FTO: variants seen among roughly 807,000 people sequenced by gnomAD.
FTO encodes the protein FTO alpha-ketoglutarate dependent dioxygenase, also known as alpha-ketoglutarate-dependent dioxygenase FTO.
FTO carries 47 observed loss-of-function variants against 63.9 expected under a neutral mutation model. The ratio of observed to expected loss-of-function variants is 0.74; its 90% CI spans 0.58 to 0.94. The LOEUF (loss-of-function observed/expected upper bound fraction) is 0.94. Ranked by LOEUF, FTO falls within the 40% of genes least tolerant of loss-of-function variation. The pLI, the probability that FTO is intolerant of heterozygous loss-of-function variation, is 0.00. For missense variants in FTO, 562 were observed against 618.1 expected (o/e 0.91, Z 0.96); for synonymous variants, 207 against 224.4 (o/e 0.92, Z 0.69).
intron 8 of FTO, among the ~76,000 whole-genome samples, chr16:53,980,295 C>T (rs747802896): frequency 5.9e-5 from 9 of 152,156 alleles, no homozygotes; most frequent in Non-Finnish European, 1.2e-4. Flanking sequence ...CTAACCTCTG[C>T]TTGCTGATGA....
At chr16:54,018,409 G>GATAGATAGATAGATAGATAGATAGATAC (rs1474063795) in intron 8 of FTO, among the ~76,000 whole-genome samples, 182 of 142,182 alleles carry the variant, frequency 1.3e-3, no homozygotes, top group Non-Finnish European at 2.3e-3. Context: ...TAGATAGATA[G>GATAGATAGATAGATAGATAGATAGATAC]ATACATACAT....
rs149746880 is a variant in FTO at position 53,888,759 on chromosome 16, G to C, written c.1120-73G>C. 3.9e-6 allele frequency: 6 copies of C among 1,528,200 alleles called. No individual in the cohort carries two copies. The East Asian group carries it at 1.4e-4, about 34-fold the overall frequency. The allele number at this position is 1,528,200 out of a possible 1,614,324, so 94.7% of individuals were successfully genotyped here. On this transcript the variant is annotated intron_variant, in intron 6 of 8. Coordinates refer to ENST00000471389, the MANE Select transcript of FTO (RefSeq NM_001080432.3). ...CATCAAGTTACTGGAGGAGAATTAAGAGACGAAGTCATTGTCCTCGCTTGT... is the reference window on the plus strand; with the variant it reads ...CATCAAGTTACTGGAGGAGAATTAACAGACGAAGTCATTGTCCTCGCTTGT...
chr16:53,958,972 C>T (rs2083001114), intron 8 of FTO, among the ~76,000 whole-genome samples: 1 of 152,190 alleles, frequency 6.6e-6, no homozygotes, highest in South Asian at 2.1e-4. Context: ...CATTGAACCC[C>T]TACAAAAGCA....
chr16:53,924,986 G>A (rs1054237649), intron 7 of FTO, among the ~76,000 whole-genome samples: 2 of 151,230 alleles, frequency 1.3e-5, no homozygotes, highest in Non-Finnish European at 2.9e-5. Context: ...GAAGACCTGA[G>A]ATCGACCTTT....
chr16:53,805,368 T>C (rs929539316), intron 1 of FTO, among the ~76,000 whole-genome samples: 1 of 152,130 alleles, frequency 6.6e-6, no homozygotes, highest in Non-Finnish European at 1.5e-5. Flanking sequence ...CTTAACTTTT[T>C]CACAGTAAAG....
chr16:53,719,250 CTTCTTTTTTTT>C (rs1318325064), intron 1 of FTO, among the ~76,000 whole-genome samples: 4 of 85,980 alleles, frequency 4.7e-5, no homozygotes, highest in Non-Finnish European at 7.3e-5. Context: ...TTTTCTTCTT[CTTCTTTTTTTT>C]TTTTTTTTTT....
intron 8 of FTO, among the ~76,000 whole-genome samples, chr16:54,105,315 T>C (rs1474847638): frequency 1.3e-5 from 2 of 152,192 alleles, no homozygotes; most frequent in Admixed American, 6.5e-5. Context: ...AAAAACAACA[T>C]TTGCTTCTTT....
chr16:53,754,899 A>G (rs2076883254), intron 1 of FTO, among the ~76,000 whole-genome samples: 1 of 152,210 alleles, frequency 6.6e-6, no homozygotes, highest in African/African-American at 2.4e-5. Flanking sequence ...AGATCGTATG[A>G]CAATATGCTG....
intron 1 of FTO, among the ~76,000 whole-genome samples, chr16:53,716,820 C>G (rs2075904560): frequency 6.6e-6 from 1 of 151,100 alleles, no homozygotes; most frequent in East Asian, 1.9e-4. Flanking sequence ...AAAAAAGTCT[C>G]ATACTCTTCA....
intron 8 of FTO, among the ~76,000 whole-genome samples, chr16:53,938,056 C>T (rs1269871862): frequency 6.6e-6 from 1 of 152,150 alleles, no homozygotes; most frequent in Non-Finnish European, 1.5e-5. Context: ...TTTGTTCTGC[C>T]TGCCTGCTTC....
chr16:54,037,467 T>C (rs1325039900), intron 8 of FTO, among the ~76,000 whole-genome samples: 1 of 152,214 alleles, frequency 6.6e-6, no homozygotes, highest in South Asian at 2.1e-4. Context: ...TTGATGAAAC[T>C]AAGGCAAATG....
chr16:54,034,481 A>G (rs1386017420), intron 8 of FTO, among the ~76,000 whole-genome samples: 1 of 152,192 alleles, frequency 6.6e-6, no homozygotes, highest in Admixed American at 6.5e-5. Context: ...ATTAGGAAAT[A>G]ATCATTTCCA....
chr16:54,002,781 A>G (rs2084097690), intron 8 of FTO, among the ~76,000 whole-genome samples: 1 of 152,228 alleles, frequency 6.6e-6, no homozygotes, highest in Non-Finnish European at 1.5e-5. Context: ...GAGGATAGAG[A>G]AAAATTGGAG....
intron 4 of FTO, among the ~76,000 whole-genome samples, chr16:53,862,627 C>T (rs554324471): frequency 6.7e-6 from 1 of 148,654 alleles, no homozygotes; most frequent in African/African-American, 2.5e-5. Context: ...CCTCTGCCTC[C>T]CAGGTTCAAG....
At chr16:53,758,451 T>A in intron 1 of FTO, among the ~76,000 whole-genome samples, 1 of 152,178 alleles carries the variant, frequency 6.6e-6, no homozygotes, top group East Asian at 1.9e-4. Flanking sequence ...GAAGGATACA[T>A]GAGGATTCCT....
chr16:53,931,801 G>T (rs2082290123), intron 7 of FTO, among the ~76,000 whole-genome samples: 1 of 151,488 alleles, frequency 6.6e-6, no homozygotes, highest in Admixed American at 6.6e-5. Flanking sequence ...TTTCTCATTT[G>T]ACCCACATGG....
chr16:54,085,693 C>G (rs2086241525), intron 8 of FTO, among the ~76,000 whole-genome samples: 1 of 152,132 alleles, frequency 6.6e-6, no homozygotes. Context: ...GATATATAAA[C>G]ATAGTGATGA....
chr16:54,025,535 C>T (rs1476526973), intron 8 of FTO, among the ~76,000 whole-genome samples: 1 of 151,926 alleles, frequency 6.6e-6, no homozygotes, highest in Non-Finnish European at 1.5e-5. Context: ...CCAGCCTGGC[C>T]AACATGGTGA....
At chr16:54,065,309 G>A (rs1076469) in intron 8 of FTO, among the ~76,000 whole-genome samples, 28,111 of 151,390 alleles carry the variant, frequency 0.19, 4,277 homozygotes, top group African/African-American at 0.42. Context: ...GACTACAGGC[G>A]CACACCATCA....
Sources: gnomAD v4.1 joint callset for allele counts (sites outside exome capture counted in the v4.1 genomes callset) on GRCh38, gnomAD v4.1.1 for gene constraint, MANE v1.5 for transcripts, NCBI Gene and HGNC (gene_info 2026-07-23, HGNC 2026-07-21) for gene names.